EEPD1: variants seen among roughly 807,000 people sequenced by gnomAD.
EEPD1 encodes endonuclease/exonuclease/phosphatase family domain containing 1, also known as endonuclease/exonuclease/phosphatase family domain-containing protein 1.
Under a neutral mutation model 46.3 loss-of-function variants are expected in EEPD1, and 17 were observed. The ratio of observed to expected loss-of-function variants is 0.37; its 90% CI spans 0.25 to 0.55. EEPD1 has a LOEUF of 0.55. EEPD1 is among the 20% of genes least tolerant of loss of function. EEPD1 has a pLI of 0.83. For synonymous variants in EEPD1, 313 were observed against 315.6 expected (o/e 0.99, Z 0.09); for missense variants, 673 against 745.6 (o/e 0.90, Z 1.13).
chr7:36,264,728 C>A (rs1408072752), intron 3 of EEPD1, among the ~76,000 whole-genome samples: 2 of 152,278 alleles, frequency 1.3e-5, no homozygotes, highest in South Asian at 2.1e-4. Flanking sequence ...AGTTTTTCTT[C>A]TTTTAAGAGC....
intron 3 of EEPD1, among the ~76,000 whole-genome samples, chr7:36,244,267 C>CTG (rs570801546): frequency 1.4e-3 from 207 of 152,188 alleles, no homozygotes; most frequent in African/African-American, 4.9e-3. Context: ...CAGTGGGGAC[C>CTG]TGCACAGGCC....
At chr7:36,258,410 C>A (rs1251565036) in intron 3 of EEPD1, among the ~76,000 whole-genome samples, 1 of 152,222 alleles carries the variant, frequency 6.6e-6, no homozygotes, top group Non-Finnish European at 1.5e-5. Flanking sequence ...CTTAAGTCTG[C>A]TGAAGCTGCA....
At chr7:36,198,342 GAAAA>G (rs1361024411) in intron 2 of EEPD1, among the ~76,000 whole-genome samples, 515 of 33,120 alleles carry the variant, frequency 0.016, 4 homozygotes, top group African/African-American at 0.059. Context: ...AAAAAGAAAA[GAAAA>G]AAAAAAAAAA....
chr7:36,238,963 GT>G, intron 2 of EEPD1, 21 bp from the exon 3 acceptor site: 1 of 1,602,320 alleles, frequency 6.2e-7, no homozygotes, highest in Non-Finnish European at 8.5e-7. Flanking sequence ...TTCAAGTGTG[GT>G]TTTGATTTTT....
chr7:36,178,871 A>G (rs184538187), intron 2 of EEPD1, among the ~76,000 whole-genome samples: 6 of 152,350 alleles, frequency 3.9e-5, no homozygotes, highest in Non-Finnish European at 7.3e-5. Context: ...ATCCAAGGCC[A>G]TGTTCAGTTA....
chr7:36,220,097 A>G (rs928382109), intron 2 of EEPD1, among the ~76,000 whole-genome samples: 4 of 152,150 alleles, frequency 2.6e-5, no homozygotes, highest in South Asian at 2.1e-4. Flanking sequence ...CTGTCCCCAC[A>G]GTAGATGCAG....
chr7:36,167,574 C>T (rs976737840), intron 2 of EEPD1, among the ~76,000 whole-genome samples: 3 of 152,106 alleles, frequency 2.0e-5, no homozygotes, highest in African/African-American at 7.2e-5. Flanking sequence ...ACTGCCACCC[C>T]CACGCAGCAG....
rs1787598173 is a variant in EEPD1 at position 36,300,205 on chromosome 7, T to C, written c.*999T>C. The C allele has an allele frequency of 2.0e-5, 3 of 152,270 alleles. No individual in the cohort carries two copies. In the South Asian group the frequency reaches 6.2e-4, roughly 31 times the overall value. 9.4% of individuals were successfully genotyped at this position (152,270 alleles called of 1,614,324 possible). A position where few individuals can be genotyped will look rare whatever the true frequency, so the allele number is the denominator to read the frequency against. On this transcript the variant is annotated 3_prime_UTR_variant, in exon 8 of 8. Coordinates refer to ENST00000242108, the MANE Select transcript of EEPD1 (RefSeq NM_030636.3). ...GGGGTATCATGGAGAGTGTCCCTCC[T>C]AGTGGCTGGAGGTAGGGACAGTTGG...
At chr7:36,165,157 G>A (rs1202570017) in intron 2 of EEPD1, among the ~76,000 whole-genome samples, 1 of 152,116 alleles carries the variant, frequency 6.6e-6, no homozygotes, top group African/African-American at 2.4e-5. Context: ...CACTCACTCA[G>A]AGCAACGTCC....
rs146319357 is a variant in EEPD1 at position 36,221,105 on chromosome 7, A to C, written c.879-17880A>C. Among the ~76,000 whole-genome samples, 593 of 152,368 alleles carry C rather than the reference A, an allele frequency of 3.9e-3. 2 individuals carry two copies. Among genetic ancestry groups the C allele is most frequent in the Middle Eastern group, 0.014 (4 of 294 alleles). ...ATTACAGGCGTGAGCCACTGCGTCC[A>C]GCCAACTACACTGAATTTGTAAATT... On this transcript the variant is annotated intron_variant, in intron 2 of 7. Transcript: ENST00000242108.
intron 3 of EEPD1, among the ~76,000 whole-genome samples, chr7:36,254,341 ATTC>A (rs1786796981): frequency 6.6e-6 from 1 of 152,124 alleles, no homozygotes; most frequent in Non-Finnish European, 1.5e-5. Flanking sequence ...ATGTGTTCTC[ATTC>A]TTCAACTCCC....
intron 3 of EEPD1, among the ~76,000 whole-genome samples, chr7:36,254,129 T>A (rs567620990): frequency 5.9e-5 from 9 of 152,344 alleles, no homozygotes; most frequent in African/African-American, 1.7e-4. Flanking sequence ...GGATTTACCA[T>A]ATGTATCTTT....
At chr7:36,226,816 A>C (rs1786238768) in intron 2 of EEPD1, among the ~76,000 whole-genome samples, 1 of 152,230 alleles carries the variant, frequency 6.6e-6, no homozygotes, top group South Asian at 2.1e-4. Flanking sequence ...AACAAGGATA[A>C]ATACATACTT....
intron 4 of EEPD1, among the ~76,000 whole-genome samples, chr7:36,282,820 C>A (rs892597201): frequency 6.6e-6 from 1 of 152,240 alleles, no homozygotes; most frequent in Non-Finnish European, 1.5e-5. Flanking sequence ...TGTTACCCTG[C>A]AGTATTGTGG....
At chr7:36,288,415 A>G (rs567460905) in intron 6 of EEPD1, among the ~76,000 whole-genome samples, 122 of 152,272 alleles carry the variant, frequency 8.0e-4, no homozygotes, top group African/African-American at 2.9e-3. Context: ...TAGGGACTTC[A>G]TGTACACGAG....
At chr7:36,284,538 T>C (rs1018342918) in intron 4 of EEPD1, 148 bp from the exon 5 acceptor site, 6 of 946,322 alleles carry the variant, frequency 6.3e-6, no homozygotes, top group Non-Finnish European at 9.1e-6. Context: ...GGAGAGTGGC[T>C]GTGGCTTTCG....
chr7:36,204,291 G>A (rs531740415), intron 2 of EEPD1, among the ~76,000 whole-genome samples: 12 of 152,124 alleles, frequency 7.9e-5, no homozygotes, highest in African/African-American at 1.9e-4. Context: ...CCACCTCAGC[G>A]TCCCAAAGCA....
At chr7:36,213,954 T>G (rs141026004) in intron 2 of EEPD1, among the ~76,000 whole-genome samples, 76 of 152,124 alleles carry the variant, frequency 5.0e-4, no homozygotes, top group Non-Finnish European at 8.7e-4. Context: ...ACCTGGGAAG[T>G]GATGGATAAG....
chr7:36,186,225 A>G (rs1004028402), intron 2 of EEPD1, among the ~76,000 whole-genome samples: 5 of 151,966 alleles, frequency 3.3e-5, no homozygotes, highest in Non-Finnish European at 5.9e-5. Flanking sequence ...TAGTGGCACA[A>G]TGCTTTCTCC....
Sources: allele counts gnomAD v4.1 joint callset (sites outside exome capture counted in the v4.1 genomes callset), GRCh38; gene constraint gnomAD v4.1.1; transcripts MANE v1.5; gene names NCBI Gene and HGNC (gene_info 2026-07-23, HGNC 2026-07-21).